ACACB: variants seen among roughly 807,000 people sequenced by gnomAD.
ACACB encodes the protein acetyl-CoA carboxylase 2.
Under a neutral mutation model 278.8 loss-of-function variants are expected in ACACB, and 209 were observed. That is an observed-to-expected ratio of 0.75 (90% confidence interval 0.67 to 0.84). The LOEUF is 0.84. Ranked by LOEUF, ACACB falls within the 40% of genes least tolerant of loss-of-function variation. The probability of loss-of-function intolerance (pLI) is 0.00; values close to 1 mark genes in which losing one functional copy is unlikely to be tolerated. For synonymous variants in ACACB, 1,174 were observed against 1,285.6 expected (o/e 0.91, Z 1.86); for missense variants, 2,850 against 3,269.0 (o/e 0.87, Z 3.13).
Position 109,140,040 on chromosome 12 carries a change from C to A in ACACB, c.635C>A (p.Thr212Asn), listed in dbSNP as rs1234550776. ...TATCTGACCACAGGTGAAGCTGAGACCCGCGTCCCCACTATGAGGTAATGT... is the reference window on the plus strand; with the variant it reads ...TATCTGACCACAGGTGAAGCTGAGAACCGCGTCCCCACTATGAGGTAATGT... The part of the protein sequence containing the change: ...EAYLTTGEAE[T>N]RVPTMRPSMS... Residue 212 changes from threonine to asparagine, a missense_variant, in exon 2 of 53, where the codon ACC becomes AAC. By Grantham distance (65) the Thr-to-Asn change is moderately conservative. Transcript: ENST00000338432. 5 of 1,597,702 alleles carry A rather than the reference C, an allele frequency of 3.1e-6. No individual in the cohort carries two copies. In the Admixed American group the frequency reaches 6.8e-5, roughly 22 times the overall value.
At chr12:109,157,592 CTG>C (rs2043585461) in intron 2 of ACACB, among the ~76,000 whole-genome samples, 1 of 152,060 alleles carries the variant, frequency 6.6e-6, no homozygotes, top group Admixed American at 6.6e-5. Context: ...CGTTGAGACT[CTG>C]TGTGGAAGTC....
At chr12:109,229,233 G>A (rs948971029) in intron 28 of ACACB, among the ~76,000 whole-genome samples, 3 of 151,854 alleles carry the variant, frequency 2.0e-5, no homozygotes, top group Admixed American at 1.3e-4. Flanking sequence ...GTGAGCCACC[G>A]TGCCCAGCCC....
chr12:109,145,991 AGAGT>A (rs2043234901), intron 2 of ACACB, among the ~76,000 whole-genome samples: 1 of 152,184 alleles, frequency 6.6e-6, no homozygotes, highest in African/African-American at 2.4e-5. Context: ...CCTGGGCAAC[AGAGT>A]GAGACTCTGA....
chr12:109,226,225 C>T (rs543704475), intron 27 of ACACB, among the ~76,000 whole-genome samples: 1 of 152,200 alleles, frequency 6.6e-6, no homozygotes, highest in East Asian at 1.9e-4. Context: ...GGGTTATGAT[C>T]TCACCACTGT....
At position 109,143,740 on chromosome 12, in the gene ACACB, A is replaced by T. The variant is rs143721479; in HGVS notation, c.653+3682A>T. On this transcript the variant is annotated intron_variant, in intron 2 of 52. Coordinates refer to ENST00000338432, the MANE Select transcript of ACACB (RefSeq NM_001093.4). ...CATGTGTGCTTGTTGTTTCTAATGA[A>T]CTGTAGTGAGAATCCCACATCAAAG... Among the ~76,000 whole-genome samples, 28 of 152,214 alleles carry T rather than the reference A, an allele frequency of 1.8e-4. 2 individuals carry two copies. In the East Asian group the frequency reaches 4.6e-3, roughly 25 times the overall value.
intron 11 of ACACB, among the ~76,000 whole-genome samples, chr12:109,182,641 G>A (rs114935104): frequency 0.026 from 3,954 of 152,276 alleles, 151 homozygotes; most frequent in African/African-American, 0.089. Flanking sequence ...AAGAGCTGGT[G>A]TTACAGGCAT....
At chr12:109,131,600 C>T (rs1352260299) in intron 1 of ACACB, among the ~76,000 whole-genome samples, 16 of 152,178 alleles carry the variant, frequency 1.1e-4, no homozygotes, top group Non-Finnish European at 2.4e-4. Flanking sequence ...TCCTGACTCC[C>T]GTCCTTGCCC....
intron 19 of ACACB, among the ~76,000 whole-genome samples, chr12:109,206,154 G>A (rs903759827): frequency 1.9e-4 from 29 of 152,010 alleles, no homozygotes; most frequent in African/African-American, 6.3e-4. Flanking sequence ...CAAACAGATC[G>A]GCCGGGCGCA....
chr12:109,197,987 C>T (rs772879223), intron 17 of ACACB, among the ~76,000 whole-genome samples: 8 of 152,120 alleles, frequency 5.3e-5, no homozygotes, highest in African/African-American at 7.2e-5. Flanking sequence ...CTCAACTTCC[C>T]TGGGCTCCGA....
chr12:109,224,112 A>G (rs1452339478), intron 27 of ACACB, among the ~76,000 whole-genome samples: 5 of 152,194 alleles, frequency 3.3e-5, no homozygotes. Context: ...TCACACAGCT[A>G]GAAAGTGGCA....
At chr12:109,197,635 T>C (rs1438166746) in intron 17 of ACACB, among the ~76,000 whole-genome samples, 1 of 152,116 alleles carries the variant, frequency 6.6e-6, no homozygotes, top group Non-Finnish European at 1.5e-5. Context: ...GGGTGTCGTG[T>C]ACCTGACGGG....
intron 52 of ACACB, 59 bp downstream of exon 52, chr12:109,265,584 C>A: frequency 1.3e-6 from 2 of 1,578,066 alleles, no homozygotes; most frequent in South Asian, 1.1e-5. Flanking sequence ...CCTGGATTGA[C>A]CCCTAGCTAC....
At chr12:109,139,265 C>T (rs754359144) in intron 1 of ACACB, 132 bp from the exon 2 acceptor site, 1 of 797,848 alleles carries the variant, frequency 1.3e-6, no homozygotes, top group Non-Finnish European at 1.9e-6. Flanking sequence ...GGGAGGAGAA[C>T]CCCATCTCTC....
Position 109,165,667 on chromosome 12 carries a change from T to A in ACACB, c.654-1194T>A, listed in dbSNP as rs190322446. Among the ~76,000 whole-genome samples, 406 of 152,340 alleles carry A rather than the reference T, an allele frequency of 2.7e-3. 1 individual carries two copies. The highest frequency in any genetic ancestry group is 3.7e-3 in the Non-Finnish European group (253 of 68,036). ...ATGTGAATAATGATCACAAACTTCA[T>A]ATGTGAATAATGATCACAAACAAGT... On this transcript the variant is annotated intron_variant, in intron 2 of 52. Coordinates refer to ENST00000338432, the MANE Select transcript of ACACB (RefSeq NM_001093.4).
rs1344891763 is a variant in ACACB at position 109,179,187 on chromosome 12, G to T, written c.1537G>T (p.Ala513Ser). The T allele has an allele frequency of 6.2e-7, 1 of 1,614,010 alleles. No homozygotes were observed. The highest frequency in any genetic ancestry group is 1.3e-5 in the African/African-American group (1 of 74,908). ...VQILADQYGN[A>S]VSLFGRDCSI... ...GATCCTCGCTGACCAGTATGGGAAT[G>T]CTGTGTCTCTGTTTGGTCGCGACTG... is the stretch of plus-strand genomic sequence containing the variant. Residue 513 changes from alanine to serine, a missense_variant, in exon 10 of 53, where the codon GCT becomes TCT. Physicochemically the swap from Ala to Ser is moderately conservative, Grantham distance 99 (BLOSUM62 1). Coordinates refer to ENST00000338432, the MANE Select transcript of ACACB (RefSeq NM_001093.4).
chr12:109,206,223 C>G (rs150046046), intron 19 of ACACB, among the ~76,000 whole-genome samples: 1 of 152,064 alleles, frequency 6.6e-6, no homozygotes, highest in African/African-American at 2.4e-5. Flanking sequence ...ATCATGAGGT[C>G]AAGAGATCAA....
chr12:109,248,970 C>G (rs998047278), intron 40 of ACACB: 1 of 152,050 alleles, frequency 6.6e-6, no homozygotes, highest in Non-Finnish European at 1.5e-5. Flanking sequence ...GAATATGGGC[C>G]GAGGGTGATA....
At chr12:109,255,095 T>C (rs2047190804) in intron 44 of ACACB, among the ~76,000 whole-genome samples, 1 of 149,148 alleles carries the variant, frequency 6.7e-6, no homozygotes, top group African/African-American at 2.5e-5. Flanking sequence ...CTTCTATACC[T>C]ACACACACAC....
At position 109,232,770 on chromosome 12, in the gene ACACB, C is replaced by T; in HGVS notation, c.4103C>T (p.Ala1368Val). The change falls in exon 29 of 53, where the codon GCC (alanine) becomes GTC (valine). Residue 1368 changes from alanine (A) to valine (V), a missense_variant. Transcript: ENST00000338432. ...GFSPLCQRMG[A>V]MVAFRRFEDF... is the part of the protein sequence containing the mutation. Reference sequence around the variant, plus strand: ...TCCCCACTGTGCCAGCGCATGGGAGCCATGGTAGCCTTCAGGAGATTCGAG... The same window carrying T: ...TCCCCACTGTGCCAGCGCATGGGAGTCATGGTAGCCTTCAGGAGATTCGAG... 3 of 1,614,132 alleles carry T rather than the reference C, an allele frequency of 1.9e-6. No individual in the cohort carries two copies. The highest frequency in any genetic ancestry group is 2.5e-6 in the Non-Finnish European group (3 of 1,180,024).
Sources: gnomAD v4.1 joint callset for allele counts (sites outside exome capture counted in the v4.1 genomes callset) on GRCh38, gnomAD v4.1.1 for gene constraint, MANE v1.5 for transcripts, NCBI Gene and HGNC (gene_info 2026-07-23, HGNC 2026-07-21) for gene names.